The following KLRD1 variants were observed in gnomAD, a reference collection of about 807,000 sequenced individuals.
KLRD1 encodes natural killer cells antigen CD94.
KLRD1 carries 21 observed loss-of-function variants against 22.6 expected under a neutral mutation model. That is an observed-to-expected ratio of 0.93 (90% CI 0.66 to 1.34). The LOEUF is 1.34. KLRD1 is among the 40% of genes most tolerant of loss of function. The pLI, the probability that KLRD1 is intolerant of heterozygous loss-of-function variation, is 0.00. For synonymous variants in KLRD1, 59 were observed against 71.1 expected, an observed-to-expected ratio of 0.83 and a Z score of 0.85; for missense variants, 183 against 208.6, an observed-to-expected ratio of 0.88 and a Z score of 0.76.
At chr12:10,294,409 G>T (rs568144766) in intron 1 of KLRD1, among the ~76,000 whole-genome samples, 14 of 151,736 alleles carry the variant, frequency 9.2e-5, no homozygotes, top group Admixed American at 9.2e-4. Context: ...TTTTTTGTTC[G>T]TTTTTTTGAG....
chr12:10,290,829 A>T (rs954948851), intron 1 of KLRD1, among the ~76,000 whole-genome samples: 1 of 151,626 alleles, frequency 6.6e-6, no homozygotes, highest in Non-Finnish European at 1.5e-5. Context: ...GCATAAAATG[A>T]CATATATATA....
intron 1 of KLRD1, among the ~76,000 whole-genome samples, chr12:10,247,114 G>A (rs1464764181): frequency 6.6e-6 from 1 of 151,716 alleles, no homozygotes; most frequent in Non-Finnish European, 1.5e-5. Context: ...TGTATTTTTA[G>A]TAGAGATGGG....
At chr12:10,281,239 G>C (rs866095572) in intron 1 of KLRD1, among the ~76,000 whole-genome samples, 1 of 152,162 alleles carries the variant, frequency 6.6e-6, no homozygotes, top group Non-Finnish European at 1.5e-5. Flanking sequence ...GTGAGGGAAC[G>C]CTGGCAGACA....
intron 1 of KLRD1, among the ~76,000 whole-genome samples, chr12:10,274,267 G>A (rs1036775943): frequency 2.0e-5 from 3 of 151,940 alleles, no homozygotes; most frequent in Non-Finnish European, 4.4e-5. Flanking sequence ...GTGACAGATT[G>A]AAACTCCATT....
chr12:10,288,273 A>G (rs1390222532), intron 1 of KLRD1, among the ~76,000 whole-genome samples: 1 of 151,754 alleles, frequency 6.6e-6, no homozygotes, highest in African/African-American at 2.4e-5. Context: ...ATCAGTCAGT[A>G]CATAGTCAAG....
intron 1 of KLRD1, among the ~76,000 whole-genome samples, chr12:10,251,627 A>C (rs1949347434): frequency 6.6e-6 from 1 of 151,990 alleles, no homozygotes; most frequent in Admixed American, 6.6e-5. Flanking sequence ...TATATAATGA[A>C]ATAATTCTAC....
chr12:10,287,355 T>C (rs71450033), intron 1 of KLRD1, among the ~76,000 whole-genome samples: 10,798 of 152,192 alleles, frequency 0.071, 441 homozygotes, highest in East Asian at 0.17. Flanking sequence ...AATACATGCA[T>C]ATATACAAAT....
chr12:10,291,575 A>G (rs1349654958), intron 1 of KLRD1, among the ~76,000 whole-genome samples: 2 of 150,874 alleles, frequency 1.3e-5, no homozygotes, highest in African/African-American at 4.9e-5. Context: ...TTCCTCACCC[A>G]TGAAAGCTCT....
At chr12:10,247,859 C>A (rs1052499716) in intron 1 of KLRD1, among the ~76,000 whole-genome samples, 1 of 152,164 alleles carries the variant, frequency 6.6e-6, no homozygotes, top group South Asian at 2.1e-4. Flanking sequence ...CCTTCTGCCA[C>A]GATTGAGACC....
At chr12:10,241,061 A>G (rs10772248) in intron 1 of KLRD1, among the ~76,000 whole-genome samples, 95,139 of 152,034 alleles carry the variant, frequency 0.63, 30,598 homozygotes, top group Admixed American at 0.76. Context: ...CTATTTCATA[A>G]TAAGAGTTGT....
In KLRD1 at chr12:10,318,979, C is replaced by T. The variant is rs962795247; in HGVS notation, c.*4186C>T. Reference sequence around the variant, plus strand: ...TGAAACTTTTCTCTTTATATCCTAACGCAGGGGTTGAAAAACTTTTCTCAA... The same window carrying T: ...TGAAACTTTTCTCTTTATATCCTAATGCAGGGGTTGAAAAACTTTTCTCAA... On this transcript the variant is annotated 3_prime_UTR_variant, in exon 6 of 6. Transcript: ENST00000336164. 1.3e-5 allele frequency: 2 copies of T among 151,612 alleles called. No individual in the cohort carries two copies. Among genetic ancestry groups the T allele is most frequent in the South Asian group, 2.1e-4 (1 of 4,818 alleles). 9.4% of individuals were successfully genotyped at this position (151,612 alleles called of 1,614,324 possible).
rs555181884 is a variant in KLRD1 at position 10,285,183 on chromosome 12, T to C, written c.-100-22795T>C. On this transcript the variant is annotated intron_variant, in intron 1 of 5. Transcript: ENST00000544747. Reference sequence around the variant, plus strand: ...TTGCATATTAACCTGGAGTAAAATATCATTTCTGTATTTTCAAAATTCTTT... The same window carrying C: ...TTGCATATTAACCTGGAGTAAAATACCATTTCTGTATTTTCAAAATTCTTT... Among the ~76,000 whole-genome samples the C allele has an allele frequency of 1.3e-3, 197 of 152,314 alleles. 4 individuals are homozygous for C. In the South Asian group the frequency reaches 0.038, roughly 30 times the overall value.
At chr12:10,311,319 C>T in intron 3 of KLRD1, 145 bp from the exon 4 acceptor site, 1 of 568,092 alleles carries the variant, frequency 1.8e-6, no homozygotes, top group South Asian at 3.7e-5. Flanking sequence ...AATTAGTTCA[C>T]ATTAGTAGCC....
In KLRD1 at chr12:10,313,440, T is replaced by G. The variant is rs1192995850; in HGVS notation, c.346T>G (p.Trp116Gly). ...DFMSSSQQFY[W>G]IGLSYSEEHT... ...TATGAGCTCCAGTCAACAATTTTAC[T>G]GGATTGGACTCTCTTACAGTGAGGA... Residue 116 changes from tryptophan (W) to glycine (G), a missense_variant, in exon 5 of 6, where the codon TGG (tryptophan) becomes GGG (glycine). Trp to Gly is a radical substitution (Grantham distance 184). Coordinates refer to ENST00000336164, the MANE Select transcript of KLRD1 (RefSeq NM_002262.5). 6.2e-7 allele frequency: 1 copy of G among 1,605,540 alleles called. No individual in the cohort carries two copies. The highest frequency in any genetic ancestry group is 8.5e-7 in the Non-Finnish European group (1 of 1,175,472).
intron 1 of KLRD1, among the ~76,000 whole-genome samples, chr12:10,269,661 T>C (rs1451740003): frequency 6.6e-6 from 1 of 152,216 alleles, no homozygotes; most frequent in Non-Finnish European, 1.5e-5. Flanking sequence ...TTCTTTTCTA[T>C]ACTAAAATAG....
At chr12:10,259,463 T>C (rs1182753628) in intron 1 of KLRD1, among the ~76,000 whole-genome samples, 2 of 152,244 alleles carry the variant, frequency 1.3e-5, no homozygotes, top group Admixed American at 1.3e-4. Flanking sequence ...TTTTTAGTTC[T>C]ATTTATTATT....
chr12:10,265,811 C>T lies in KLRD1; in HGVS notation c.-101+39578C>T, dbSNP rs186111904. On this transcript the variant is annotated intron_variant, in intron 1 of 5. Coordinates refer to the KLRD1 transcript ENST00000544747. ...GCCATACCGCTACATCTGATATTTACGACCTTGTGTCTAACATGTCCCTGT... is the reference window on the plus strand; with the variant it reads ...GCCATACCGCTACATCTGATATTTATGACCTTGTGTCTAACATGTCCCTGT... Among the ~76,000 whole-genome samples, 69 of 152,280 alleles carry T rather than the reference C, an allele frequency of 4.5e-4. No homozygotes were observed. The East Asian group carries it at 0.011, about 23-fold the overall frequency.
At chr12:10,281,712 C>A (rs958993962) in intron 1 of KLRD1, among the ~76,000 whole-genome samples, 1 of 152,114 alleles carries the variant, frequency 6.6e-6, no homozygotes, top group African/African-American at 2.4e-5. Context: ...GCATAAAATT[C>A]AAAAATTTTG....
At chr12:10,278,701 G>A (rs761856713) in intron 1 of KLRD1, among the ~76,000 whole-genome samples, 1 of 152,094 alleles carries the variant, frequency 6.6e-6, no homozygotes, top group Non-Finnish European at 1.5e-5. Flanking sequence ...ATATCCTTCC[G>A]AAAACTGCCA....
Sources: allele counts gnomAD v4.1 joint callset (sites outside exome capture counted in the v4.1 genomes callset), GRCh38; gene constraint gnomAD v4.1.1; transcripts MANE v1.5; gene names NCBI Gene and HGNC (gene_info 2026-07-23, HGNC 2026-07-21).